The following PTCHD4 variants were observed in gnomAD, a reference collection of about 807,000 sequenced individuals.
PTCHD4 encodes the protein patched domain containing 4.
In PTCHD4, 33 loss-of-function variants were observed where a neutral mutation model predicts 58.1. That is an observed-to-expected ratio of 0.57 (90% CI 0.43 to 0.76). PTCHD4 has a LOEUF of 0.76. Among genes scored for constraint, PTCHD4 ranks in the 30% least tolerant of loss-of-function variants. The pLI, the probability that PTCHD4 is intolerant of heterozygous loss-of-function variation, is 0.00. For synonymous variants in PTCHD4, 478 were observed against 409.6 expected (o/e 1.17, Z -2.02); for missense variants, 1,058 against 1,027.1 (o/e 1.03, Z -0.41).
chr6:48,077,216 G>A (rs577234402), intron 1 of PTCHD4, among the ~76,000 whole-genome samples: 1 of 152,288 alleles, frequency 6.6e-6, no homozygotes, highest in Non-Finnish European at 1.5e-5. Flanking sequence ...AATAGATTTA[G>A]CATAATTCTT....
intron 4 of PTCHD4, among the ~76,000 whole-genome samples, chr6:47,983,098 A>G (rs900997374): frequency 6.6e-6 from 1 of 152,322 alleles, no homozygotes; most frequent in Non-Finnish European, 1.5e-5. Flanking sequence ...TGTTGATTAC[A>G]TATTTCTGCA....
chr6:47,886,696 T>C (rs985745946), intron 4 of PTCHD4, among the ~76,000 whole-genome samples: 2 of 152,214 alleles, frequency 1.3e-5, no homozygotes, highest in African/African-American at 2.4e-5. Flanking sequence ...GCAAAGCAGA[T>C]GCAAAAAAGT....
intron 4 of PTCHD4, among the ~76,000 whole-genome samples, chr6:47,884,692 A>G (rs553461202): frequency 2.6e-5 from 4 of 152,260 alleles, no homozygotes; most frequent in African/African-American, 9.6e-5. Flanking sequence ...TTTAAGAACA[A>G]CTCCATTCAA....
chr6:48,099,417 C>T lies in PTCHD4; in HGVS notation c.-970+11632G>A, dbSNP rs542865151. Among the ~76,000 whole-genome samples, 5 of 152,244 alleles carry T rather than the reference C, an allele frequency of 3.3e-5. No homozygotes were observed. In the South Asian group the frequency reaches 8.3e-4, roughly 25 times the overall value. Reference sequence around the variant, plus strand: ...CAAATCTGCTTGCTTCTTTTGTCCTCCATAAGCTGGGTACAGGATATTAAT... The same window carrying T: ...CAAATCTGCTTGCTTCTTTTGTCCTTCATAAGCTGGGTACAGGATATTAAT... On this transcript the variant is annotated intron_variant, in intron 1 of 4. Transcript: ENST00000339488.
chr6:47,895,242 C>T (rs533383884), intron 4 of PTCHD4, among the ~76,000 whole-genome samples: 1 of 152,228 alleles, frequency 6.6e-6, no homozygotes, highest in South Asian at 2.1e-4. Flanking sequence ...ATGAGCTTGG[C>T]CACGTGACTA....
At chr6:47,978,348 CT>C (rs970431021) in intron 4 of PTCHD4, among the ~76,000 whole-genome samples, 1 of 152,156 alleles carries the variant, frequency 6.6e-6, no homozygotes, top group African/African-American at 2.4e-5. Flanking sequence ...CACTACTAAA[CT>C]ACCAAGAGGC....
At chr6:48,109,895 A>G (rs1582149863) in intron 1 of PTCHD4, among the ~76,000 whole-genome samples, 1 of 152,074 alleles carries the variant, frequency 6.6e-6, no homozygotes, top group Admixed American at 6.6e-5. Context: ...CCTCACACCT[A>G]TTGGGATGGC....
chr6:48,006,627 T>G (rs1762448848), intron 4 of PTCHD4, among the ~76,000 whole-genome samples: 1 of 152,198 alleles, frequency 6.6e-6, no homozygotes, highest in Non-Finnish European at 1.5e-5. Flanking sequence ...TCTTTGTCAT[T>G]GGTGACAAGA....
chr6:48,032,461 T>C (rs1383587339), intron 3 of PTCHD4, among the ~76,000 whole-genome samples: 1 of 151,972 alleles, frequency 6.6e-6, no homozygotes, highest in Non-Finnish European at 1.5e-5. Flanking sequence ...TGTGTGTGTG[T>C]TTATGTAGTG....
rs148754288 is a variant in PTCHD4, at chr6:47,961,056, C to T, written c.898+47578G>A. On this transcript the variant is annotated intron_variant, in intron 4 of 4. Coordinates refer to ENST00000339488, the MANE Select transcript of PTCHD4 (RefSeq NM_001384253.1). Reference sequence around the variant, plus strand: ...ATGGAGCAAACAACAGCAGAATTTACAGAGAGCACTTACCGCAACATATCA... The same window carrying T: ...ATGGAGCAAACAACAGCAGAATTTATAGAGAGCACTTACCGCAACATATCA... 1.5e-3 allele frequency among the ~76,000 whole-genome samples: 222 copies of T among 148,820 alleles called. 1 individual carries two copies. The highest frequency in any genetic ancestry group is 5.3e-3 in the African/African-American group (213 of 40,376).
intron 3 of PTCHD4, among the ~76,000 whole-genome samples, chr6:48,026,869 T>C (rs1364185094): frequency 1.3e-5 from 2 of 151,768 alleles, no homozygotes; most frequent in Non-Finnish European, 2.9e-5. Flanking sequence ...TGATGATTAT[T>C]CGTAAAAAGT....
intron 4 of PTCHD4, among the ~76,000 whole-genome samples, chr6:47,966,793 G>T (rs1315779084): frequency 6.6e-6 from 1 of 152,096 alleles, no homozygotes; most frequent in African/African-American, 2.4e-5. Flanking sequence ...TTATCATGAG[G>T]TTGCAGCAAT....
chr6:47,971,963 A>G (rs1767528988), intron 4 of PTCHD4, among the ~76,000 whole-genome samples: 1 of 152,222 alleles, frequency 6.6e-6, no homozygotes, highest in African/African-American at 2.4e-5. Flanking sequence ...TAGGGTTATT[A>G]ACAGAAAAGC....
At chr6:48,006,544 ATCT>A (rs1306547218) in intron 4 of PTCHD4, among the ~76,000 whole-genome samples, 1 of 152,178 alleles carries the variant, frequency 6.6e-6, no homozygotes, top group Non-Finnish European at 1.5e-5. Flanking sequence ...GTTCTTATAA[ATCT>A]TATTATTTCA....
At chr6:48,051,482 A>G (rs1420498081) in intron 3 of PTCHD4, among the ~76,000 whole-genome samples, 2 of 152,008 alleles carry the variant, frequency 1.3e-5, no homozygotes, top group East Asian at 1.9e-4. Context: ...GGGAAAAAAG[A>G]CCAAAGGGAG....
At chr6:48,048,302 C>A (rs181356982) in intron 3 of PTCHD4, among the ~76,000 whole-genome samples, 65 of 152,078 alleles carry the variant, frequency 4.3e-4, no homozygotes, top group African/African-American at 1.5e-3. Context: ...CAAATGTCAT[C>A]TATTTTCTAC....
intron 3 of PTCHD4, among the ~76,000 whole-genome samples, chr6:48,065,458 G>A (rs73479660): frequency 0.01 from 1,595 of 152,264 alleles, 39 homozygotes; most frequent in African/African-American, 0.036. Context: ...TTGTACACCA[G>A]GAGTTCTCAC....
chr6:48,091,286 TAATAA>T (rs1765361430), intron 1 of PTCHD4, among the ~76,000 whole-genome samples: 1 of 151,710 alleles, frequency 6.6e-6, no homozygotes, highest in Non-Finnish European at 1.5e-5. Context: ...TAAAAAATAA[TAATAA>T]AATAATAAAA....
chr6:48,068,260 C>A lies in PTCHD4; in HGVS notation c.387G>T (p.Leu129=). ...TTTCCAGCACGGCTCGGTGGGTCTG[C>A]AGGATCCCCTCAGCCTGGAGCAAAA... ...DNILLQAEGI[L]QTHRAVLEMK... The change falls in exon 3 of 5, where the codon CTG becomes CTT. Residue 129 remains leucine (L), a synonymous_variant. Coordinates refer to ENST00000339488, the MANE Select transcript of PTCHD4 (RefSeq NM_001384253.1). The surrounding 1 kb of genome is among the most constrained non-coding windows in gnomAD (Gnocchi z 4.2). 1 of 1,593,638 alleles carries A rather than the reference C, an allele frequency of 6.3e-7. No homozygotes were observed. The highest frequency in any genetic ancestry group is 8.6e-7 in the Non-Finnish European group (1 of 1,166,572).
Sources: allele counts gnomAD v4.1 joint callset (sites outside exome capture counted in the v4.1 genomes callset), GRCh38; gene constraint gnomAD v4.1.1; non-coding constraint Gnocchi (gnomAD v3.1); transcripts MANE v1.5; gene names NCBI Gene and HGNC (gene_info 2026-07-23, HGNC 2026-07-21).